ARID4B: variants seen among roughly 807,000 people sequenced by gnomAD.
ARID4B encodes the protein AT-rich interactive domain-containing protein 4B.
In ARID4B, 26 loss-of-function variants were observed where a neutral mutation model predicts 147.5. That is an observed-to-expected ratio of 0.18 (90% CI 0.13 to 0.24). The LOEUF (loss-of-function observed/expected upper bound fraction) is 0.24, where lower values mean the gene tolerates loss of function less well. ARID4B is among the 10% of genes least tolerant of loss of function. The pLI, the probability that ARID4B is intolerant of heterozygous loss-of-function variation, is 1.00. For synonymous variants in ARID4B, 512 were observed against 507.9 expected (o/e 1.01, Z -0.11); for missense variants, 1,179 against 1,511.5 (o/e 0.78, Z 3.65).
At chr1:235,205,232 A>C (rs929730999) in intron 17 of ARID4B, among the ~76,000 whole-genome samples, 1 of 151,868 alleles carries the variant, frequency 6.6e-6, no homozygotes, top group African/African-American at 2.4e-5. Flanking sequence ...AATAAGAAAG[A>C]AAAAAAATGA....
intron 2 of ARID4B, among the ~76,000 whole-genome samples, chr1:235,286,555 G>A (rs1671987104): frequency 6.6e-6 from 1 of 152,148 alleles, no homozygotes; most frequent in Admixed American, 6.6e-5. Flanking sequence ...GATACCTGAA[G>A]GATGACTGGT....
intron 7 of ARID4B, among the ~76,000 whole-genome samples, chr1:235,242,907 C>CATCT (rs1358590997): frequency 1.3e-5 from 2 of 152,078 alleles, no homozygotes; most frequent in African/African-American, 4.8e-5. Context: ...AGTCCCTGCC[C>CATCT]ATCTACCTCT....
At chr1:235,210,844 C>G (rs1666670152) in intron 17 of ARID4B, among the ~76,000 whole-genome samples, 1 of 151,218 alleles carries the variant, frequency 6.6e-6, no homozygotes, top group Non-Finnish European at 1.5e-5. Flanking sequence ...TCTTTCCTTT[C>G]CCTTCCTGCT....
At chr1:235,214,135 G>T (rs747879629) in intron 16 of ARID4B, 109 bp from the exon 17 acceptor site, 18 of 1,368,948 alleles carry the variant, frequency 1.3e-5, no homozygotes, top group Non-Finnish European at 1.8e-5. Flanking sequence ...TCCAGGAAAA[G>T]CAGGTTCCAC....
At chr1:235,312,649 A>C (rs1328890633) in intron 2 of ARID4B, among the ~76,000 whole-genome samples, 1 of 151,924 alleles carries the variant, frequency 6.6e-6, no homozygotes, top group Non-Finnish European at 1.5e-5. Flanking sequence ...AAAAACAACA[A>C]CACTTTAGCA....
chr1:235,310,665 C>T (rs1484038649), intron 2 of ARID4B, among the ~76,000 whole-genome samples: 1 of 152,072 alleles, frequency 6.6e-6, no homozygotes, highest in Non-Finnish European at 1.5e-5. Context: ...CCAAAATTAA[C>T]GTGTTTTTGA....
At chr1:235,239,175 T>A (rs1323509158) in intron 8 of ARID4B, among the ~76,000 whole-genome samples, 1 of 152,104 alleles carries the variant, frequency 6.6e-6, no homozygotes, top group African/African-American at 2.4e-5. Context: ...TTTTGCCCTG[T>A]TGGCCAGGCT....
At chr1:235,272,292 T>C (rs1671043769) in intron 2 of ARID4B, among the ~76,000 whole-genome samples, 1 of 152,190 alleles carries the variant, frequency 6.6e-6, no homozygotes, top group South Asian at 2.1e-4. Context: ...TTATACCATA[T>C]TTTAATGATT....
chr1:235,273,875 C>T (rs909042134), intron 2 of ARID4B, among the ~76,000 whole-genome samples: 1 of 152,180 alleles, frequency 6.6e-6, no homozygotes, highest in African/African-American at 2.4e-5. Flanking sequence ...TAGTACAAAA[C>T]CTTTGCTGGA....
At chr1:235,201,261 T>C (rs1665896370) in intron 17 of ARID4B, among the ~76,000 whole-genome samples, 1 of 152,104 alleles carries the variant, frequency 6.6e-6, no homozygotes, top group East Asian at 1.9e-4. Flanking sequence ...AATTTCTCCT[T>C]GGGGTACCAC....
At chr1:235,318,672 G>A (rs1674609880) in intron 2 of ARID4B, among the ~76,000 whole-genome samples, 1 of 152,060 alleles carries the variant, frequency 6.6e-6, no homozygotes, top group South Asian at 2.1e-4. Flanking sequence ...CTTGAGCTCA[G>A]GAGTTCCAGA....
At chr1:235,218,944 C>T (rs1384923552) in intron 16 of ARID4B, among the ~76,000 whole-genome samples, 1 of 148,852 alleles carries the variant, frequency 6.7e-6, no homozygotes, top group East Asian at 2.0e-4. Flanking sequence ...CAGCTCACTG[C>T]AACCTCTGCC....
In ARID4B at chr1:235,255,220, T is replaced by TATATATATATATAG. The variant is rs1264196304; in HGVS notation, c.274+439_274+440insCTATATATATATAT. ...TACTACTTTGTTTCCTGCTGGGAGC[T>TATATATATATATAG]AGATAGATAGATAGATAGATAGATA... On this transcript the variant is annotated intron_variant, in intron 5 of 23. Coordinates refer to ENST00000264183, the MANE Select transcript of ARID4B (RefSeq NM_016374.6). Among the ~76,000 whole-genome samples the TATATATATATATAG allele has an allele frequency of 1.2e-3, 73 of 62,392 alleles. 2 individuals carry two copies. Among genetic ancestry groups the TATATATATATATAG allele is most frequent in the South Asian group, 2.5e-3 (4 of 1,614 alleles). 40.9% of individuals were successfully genotyped at this position (62,392 alleles called of 152,430 possible).
At chr1:235,169,760 C>A (rs576090929) in intron 23 of ARID4B, among the ~76,000 whole-genome samples, 1 of 151,908 alleles carries the variant, frequency 6.6e-6, no homozygotes, top group East Asian at 1.9e-4. Flanking sequence ...CTCCTGGGTT[C>A]AAGCAATTTT....
At chr1:235,194,333 G>A (rs1041461519) in intron 18 of ARID4B, 122 bp from the exon 19 acceptor site, 1 of 800,870 alleles carries the variant, frequency 1.2e-6, no homozygotes, top group African/African-American at 1.8e-5. Flanking sequence ...TAAAAAGAAA[G>A]AACATAAGAA....
At chr1:235,195,547 G>A (rs1296645644) in intron 18 of ARID4B, among the ~76,000 whole-genome samples, 1 of 150,848 alleles carries the variant, frequency 6.6e-6, no homozygotes, top group Non-Finnish European at 1.5e-5. Context: ...AGCCGAGGTT[G>A]CACCACTGTA....
intron 2 of ARID4B, among the ~76,000 whole-genome samples, chr1:235,284,293 G>A (rs1407038815): frequency 6.6e-6 from 1 of 152,192 alleles, no homozygotes; most frequent in Non-Finnish European, 1.5e-5. Flanking sequence ...CTGGGAGGCA[G>A]ATGCTGCAGT....
chr1:235,222,442 C>T lies in ARID4B; in HGVS notation c.1065+724G>A, dbSNP rs1180183822. Among the ~76,000 whole-genome samples the T allele has an allele frequency of 2.0e-5, 3 of 152,092 alleles. No homozygotes were observed. In the East Asian group the frequency reaches 5.8e-4, roughly 29 times the overall value. On this transcript the variant is annotated intron_variant, in intron 13 of 23. Coordinates refer to ENST00000264183, the MANE Select transcript of ARID4B (RefSeq NM_016374.6). ...CATCACGTCAACCTTAAAATAATTT[C>T]TTCAGATCAGTTCAACAAACATTTC... is the stretch of plus-strand genomic sequence containing the variant.
chr1:235,170,606 T>C (rs1392400920), intron 23 of ARID4B, among the ~76,000 whole-genome samples: 3 of 151,786 alleles, frequency 2.0e-5, no homozygotes, highest in African/African-American at 7.3e-5. Flanking sequence ...GATGTGGTGG[T>C]GGGCGCCTGT....
Sources: gnomAD v4.1 joint callset for allele counts (sites outside exome capture counted in the v4.1 genomes callset) on GRCh38, gnomAD v4.1.1 for gene constraint, MANE v1.5 for transcripts, NCBI Gene and HGNC (gene_info 2026-07-23, HGNC 2026-07-21) for gene names.